PDE10A: variants seen among roughly 807,000 people sequenced by gnomAD.
The protein encoded by PDE10A is cAMP and cAMP-inhibited cGMP 3',5'-cyclic phosphodiesterase 10A.
Under a neutral mutation model 97.7 loss-of-function variants are expected in PDE10A, and 39 were observed. The ratio of observed to expected loss-of-function variants is 0.40; its 90% CI spans 0.31 to 0.52. PDE10A has a LOEUF of 0.52. Among genes scored for constraint, PDE10A ranks in the 20% least tolerant of loss-of-function variants. The pLI, the probability that PDE10A is intolerant of heterozygous loss-of-function variation, is 0.56. For synonymous variants in PDE10A, 371 were observed against 376.8 expected, an observed-to-expected ratio of 0.98 and a Z score of 0.18; for missense variants, 731 against 1,047.8, an observed-to-expected ratio of 0.70 and a Z score of 4.17.
intron 21 of PDE10A, 33 bp from the exon 22 acceptor site, chr6:165,333,160 T>A (rs1349943834): frequency 7.9e-7 from 1 of 1,270,578 alleles, no homozygotes; most frequent in Admixed American, 1.7e-5. Context: ...CAGGAGAAGC[T>A]GAATAAAGGA....
chr6:165,483,233 T>C (rs1164817394), intron 2 of PDE10A, among the ~76,000 whole-genome samples: 2 of 152,220 alleles, frequency 1.3e-5, no homozygotes, highest in Non-Finnish European at 2.9e-5. Context: ...TCTTGAGCAA[T>C]CAAACCCTGT....
chr6:165,637,741 G>A (rs539857874), intron 1 of PDE10A, among the ~76,000 whole-genome samples: 20 of 152,254 alleles, frequency 1.3e-4, no homozygotes, highest in Admixed American at 1.2e-3. Context: ...AAGTTTCCCC[G>A]GCACAGGCGG....
At chr6:165,961,116 G>C (rs921266492) in intron 1 of PDE10A, among the ~76,000 whole-genome samples, 42 of 152,070 alleles carry the variant, frequency 2.8e-4, no homozygotes, top group African/African-American at 1.0e-3. Flanking sequence ...GTGGTGGGAG[G>C]GTGGGGATGG....
intron 1 of PDE10A, among the ~76,000 whole-genome samples, chr6:165,779,424 C>T (rs1312857798): frequency 6.6e-6 from 1 of 152,162 alleles, no homozygotes. Flanking sequence ...CCTGCATCCC[C>T]AAAGTCACAT....
intron 1 of PDE10A, chr6:165,940,097 G>A (rs1783460335): frequency 6.6e-6 from 1 of 152,224 alleles, no homozygotes; most frequent in Admixed American, 6.5e-5. Flanking sequence ...TTAAATTGGA[G>A]CGTCCCCAAA....
chr6:165,971,303 C>A (rs1784666911), intron 1 of PDE10A, among the ~76,000 whole-genome samples: 1 of 152,118 alleles, frequency 6.6e-6, no homozygotes. Flanking sequence ...GCACCTCAAG[C>A]TGGAAGTTCA....
At chr6:165,499,011 C>T (rs1487036687) in intron 2 of PDE10A, among the ~76,000 whole-genome samples, 1 of 152,114 alleles carries the variant, frequency 6.6e-6, no homozygotes, top group East Asian at 1.9e-4. Flanking sequence ...AATATTAAGT[C>T]TCTTCTTGGA....
At chr6:165,713,866 C>T (rs1791962501) in intron 1 of PDE10A, among the ~76,000 whole-genome samples, 1 of 152,126 alleles carries the variant, frequency 6.6e-6, no homozygotes, top group Non-Finnish European at 1.5e-5. Flanking sequence ...ATTTCTAAGT[C>T]CTATGTATAG....
intron 1 of PDE10A, chr6:165,910,875 G>C (rs550132585): frequency 6.6e-6 from 1 of 152,330 alleles, no homozygotes; most frequent in African/African-American, 2.4e-5. Flanking sequence ...TCTGATCAAT[G>C]CGGATCCTGA....
intron 2 of PDE10A, among the ~76,000 whole-genome samples, chr6:165,502,652 G>A (rs1180855297): frequency 6.6e-6 from 1 of 152,174 alleles, no homozygotes; most frequent in Non-Finnish European, 1.5e-5. Flanking sequence ...TGAATAATGG[G>A]ATACTACTGA....
rs547102611 is a variant in PDE10A, at chr6:165,609,401, A to T, written c.865+52546T>A. On this transcript the variant is annotated intron_variant, in intron 1 of 21. Transcript: ENST00000539869. ...TTTATGACAAACCACAGCCAATATC[A>T]TACTGAATGGGCAAAAACTGGAAGC... 5.3e-5 allele frequency among the ~76,000 whole-genome samples: 8 copies of T among 152,342 alleles called. No individual in the cohort carries two copies. In the East Asian group the frequency reaches 1.5e-3, roughly 29 times the overall value.
At chr6:165,447,645 A>G (rs1472490352) in intron 5 of PDE10A, among the ~76,000 whole-genome samples, 1 of 152,224 alleles carries the variant, frequency 6.6e-6, no homozygotes, top group Non-Finnish European at 1.5e-5. Context: ...AATGCACCGA[A>G]AAGAAGTAAT....
At chr6:165,965,241 G>A (rs556978459) in intron 1 of PDE10A, among the ~76,000 whole-genome samples, 1 of 152,334 alleles carries the variant, frequency 6.6e-6, no homozygotes, top group South Asian at 2.1e-4. Context: ...GGGATGGCGA[G>A]GAGGTGGGAC....
chr6:165,542,898 G>A (rs1436255369), intron 2 of PDE10A, among the ~76,000 whole-genome samples: 4 of 152,062 alleles, frequency 2.6e-5, no homozygotes, highest in Non-Finnish European at 4.4e-5. Flanking sequence ...GATTACAGGC[G>A]TGAGCCACTG....
chr6:165,743,341 T>C (rs978768882), intron 1 of PDE10A, among the ~76,000 whole-genome samples: 5 of 152,210 alleles, frequency 3.3e-5, no homozygotes, highest in Non-Finnish European at 5.9e-5. Flanking sequence ...GTAACCATGG[T>C]ACATTTATCA....
chr6:165,586,860 C>T (rs1398201046), intron 1 of PDE10A, among the ~76,000 whole-genome samples: 1 of 152,046 alleles, frequency 6.6e-6, no homozygotes, highest in African/African-American at 2.4e-5. Flanking sequence ...TCTTATATAA[C>T]TCTTTTATAT....
intron 1 of PDE10A, 51 bp from the exon 2 acceptor site, chr6:165,543,619 C>A: frequency 7.0e-7 from 1 of 1,421,720 alleles, no homozygotes; most frequent in South Asian, 1.2e-5. Flanking sequence ...ATCCTCATAT[C>A]AATGAAAGGT....
chr6:165,597,125 C>A (rs1188651978), intron 1 of PDE10A, among the ~76,000 whole-genome samples: 2 of 152,092 alleles, frequency 1.3e-5, no homozygotes, highest in African/African-American at 4.8e-5. Flanking sequence ...TGTCTTACCC[C>A]TCCTCTCCTT....
intron 1 of PDE10A, among the ~76,000 whole-genome samples, chr6:165,965,785 A>C (rs1784493415): frequency 6.6e-6 from 1 of 152,180 alleles, no homozygotes. Flanking sequence ...TACTCTCCAC[A>C]AGGTAATATG....
Sources: allele counts gnomAD v4.1 joint callset (sites outside exome capture counted in the v4.1 genomes callset), GRCh38; gene constraint gnomAD v4.1.1; transcripts MANE v1.5; gene names NCBI Gene and HGNC (gene_info 2026-07-23, HGNC 2026-07-21).